GPI: variants seen among roughly 807,000 people sequenced by gnomAD.
GPI encodes the protein D-hexose-6-phosphate anomerase.
A neutral mutation model predicts 75.8 loss-of-function variants in GPI; 56 were observed. That is an observed-to-expected ratio of 0.74 (90% CI 0.60 to 0.92). The LOEUF (loss-of-function observed/expected upper bound fraction) is 0.92, where lower values mean the gene tolerates loss of function less well. Ranked by LOEUF, GPI falls within the 40% of genes least tolerant of loss-of-function variation. GPI has a pLI of 0.00. For synonymous variants in GPI, 288 were observed against 285.4 expected, an observed-to-expected ratio of 1.01 and a Z score of -0.09; for missense variants, 638 against 741.0, an observed-to-expected ratio of 0.86 and a Z score of 1.61.
intron 3 of GPI, among the ~76,000 whole-genome samples, chr19:34,367,630 C>T (rs778686255): frequency 1.3e-5 from 2 of 152,158 alleles, no homozygotes; most frequent in African/African-American, 2.4e-5. Context: ...CTTTTCCTGC[C>T]CACCTGGGGT....
At chr19:34,360,667 A>C (rs1421818531), upstream of GPI, among the ~76,000 whole-genome samples, 3 of 152,120 alleles carry the variant, frequency 2.0e-5, no homozygotes, top group East Asian at 5.8e-4. Flanking sequence ...CTTTCCCTCC[A>C]CCTTTTTCCT....
chr19:34,366,687 G>A, intron 2 of GPI, 96 bp from the exon 3 acceptor site: 1 of 870,228 alleles, frequency 1.1e-6, no homozygotes, highest in South Asian at 1.3e-5. Flanking sequence ...CCGTCTGTCT[G>A]TCTCATTGGG....
chr19:34,383,159 G>T (rs1335141622), intron 9 of GPI, among the ~76,000 whole-genome samples: 1 of 152,208 alleles, frequency 6.6e-6, no homozygotes, highest in Admixed American at 6.5e-5. Flanking sequence ...CAGGGGTGTG[G>T]TGGGAAACCA....
At chr19:34,399,487 G>A in intron 15 of GPI, 69 bp from the exon 16 acceptor site, 1 of 1,570,352 alleles carries the variant, frequency 6.4e-7, no homozygotes, top group South Asian at 1.1e-5. Flanking sequence ...TCTGGGGCAG[G>A]GTGTGCTTCC....
chr19:34,398,335 G>A (rs180695816), intron 14 of GPI: 12 of 152,320 alleles, frequency 7.9e-5, no homozygotes, highest in African/African-American at 1.9e-4. Flanking sequence ...ACAGGGTTAC[G>A]GTAGCACAAT....
chr19:34,373,333 G>A (rs2074483472), intron 4 of GPI, among the ~76,000 whole-genome samples: 1 of 151,118 alleles, frequency 6.6e-6, no homozygotes, highest in African/African-American at 2.4e-5. Context: ...AGGTTACTGA[G>A]AGCTGAGATG....
rs2074890613 is a variant in GPI, at chr19:34,393,174, G to A, written c.805-74G>A. The A allele has an allele frequency of 3.3e-6, 4 of 1,203,828 alleles. No individual in the cohort carries two copies. Among genetic ancestry groups the A allele is most frequent in the Non-Finnish European group, 5.0e-6 (4 of 806,802 alleles). The allele number at this position is 1,203,828 out of a possible 1,614,324, so 74.6% of individuals were successfully genotyped here. On this transcript the variant is annotated intron_variant, in intron 9 of 17. Transcript: ENST00000356487. This position sits in a 1 kb window ranked among gnomAD's most constrained non-coding sequence, Gnocchi z 4.4. ...CGAGACGCCCCTGTGCAAGACCAGGGACAGGGTTTCCGGCAGGAGGTGGGG... is the reference window on the plus strand; with the variant it reads ...CGAGACGCCCCTGTGCAAGACCAGGAACAGGGTTTCCGGCAGGAGGTGGGG...
chr19:34,386,145 A>T (rs2074731500), intron 9 of GPI, among the ~76,000 whole-genome samples: 1 of 151,852 alleles, frequency 6.6e-6, no homozygotes, highest in South Asian at 2.1e-4. Flanking sequence ...AGTCTGGGTC[A>T]CTAGGTGTGG....
rs1176248772 is a variant in GPI, at chr19:34,400,084, G to A, written c.*48G>A. 10 of 1,591,556 alleles carry A rather than the reference G, an allele frequency of 6.3e-6. No individual in the cohort carries two copies. Among genetic ancestry groups the A allele is most frequent in the East Asian group, 4.5e-5 (2 of 44,810 alleles). On this transcript the variant is annotated 3_prime_UTR_variant, in exon 18 of 18. Coordinates refer to ENST00000356487, the MANE Select transcript of GPI (RefSeq NM_000175.5). ...CTCTGTGACTCCCCTTTCTCTTCTCGTCCCTCCTCCCCGGAGCCGGCACTG... is the reference window on the plus strand; with the variant it reads ...CTCTGTGACTCCCCTTTCTCTTCTCATCCCTCCTCCCCGGAGCCGGCACTG...
intron 14 of GPI, chr19:34,397,446 A>T (rs1489525233): frequency 6.6e-6 from 1 of 152,324 alleles, no homozygotes; most frequent in Non-Finnish European, 1.5e-5. Context: ...CTTCTGTTGC[A>T]TCTCTCTGAC....
chr19:34,392,950 C>G, intron 9 of GPI: 1 of 461,988 alleles, frequency 2.2e-6, no homozygotes. Flanking sequence ...GAGGTGGGCC[C>G]TGGCACAGGT....
intron 4 of GPI, among the ~76,000 whole-genome samples, chr19:34,371,224 T>C (rs1367362635): frequency 6.6e-6 from 1 of 152,216 alleles, no homozygotes; most frequent in African/African-American, 2.4e-5. Context: ...AAAAAGTTGC[T>C]GAATGGCAGT....
chr19:34,374,856 G>C (rs959573957), intron 4 of GPI, among the ~76,000 whole-genome samples: 20 of 150,824 alleles, frequency 1.3e-4, no homozygotes, highest in African/African-American at 4.9e-4. Flanking sequence ...AACCTTCTAA[G>C]TTGCTGGGAC....
chr19:34,390,084 G>A (rs566064841), intron 9 of GPI, among the ~76,000 whole-genome samples: 369 of 152,194 alleles, frequency 2.4e-3, no homozygotes, highest in African/African-American at 8.5e-3. Context: ...GGTGGGGTGA[G>A]GCACAGGTCT....
rs2074948981 is a variant in GPI at position 34,396,593 on chromosome 19, T to C, written c.1205T>C (p.Ile402Thr). The C allele has an allele frequency of 6.2e-7, 1 of 1,614,004 alleles. No individual in the cohort carries two copies. Among genetic ancestry groups the C allele is most frequent in the African/African-American group, 1.3e-5 (1 of 74,942 alleles). Residue 402 changes from isoleucine (I) to threonine (T), a missense_variant, in exon 14 of 18, where the codon ATA becomes ACA. Transcript: ENST00000356487. ...GTGCCCTTCACAGGCACCAAGATGA[T>C]ACCCTGTGACTTCCTCATCCCGGTC... ...YQLIHQGTKM[I>T]PCDFLIPVQT...
chr19:34,374,487 C>T (rs959519866), intron 4 of GPI, among the ~76,000 whole-genome samples: 1 of 152,160 alleles, frequency 6.6e-6, no homozygotes, highest in Non-Finnish European at 1.5e-5. Context: ...TCACTTTCTC[C>T]TAAGTCCATA....
Position 34,399,274 on chromosome 19 carries a change from G to A in GPI, c.1337G>A (p.Arg446Gln), listed in dbSNP as rs150033276. ...AGGGGAAAATCGACGGAGGAGGCCC[G>A]AAAGGAGCTCCAGGCTGCGGGCAAG... ...LMRGKSTEEA[R>Q]KELQAAGKSP... Residue 446 changes from arginine (R) to glutamine (Q), a missense_variant, in exon 15 of 18, where the codon CGA becomes CAA. Coordinates refer to ENST00000356487, the MANE Select transcript of GPI (RefSeq NM_000175.5). 3.9e-5 allele frequency: 63 copies of A among 1,614,034 alleles called. No homozygotes were observed. Among genetic ancestry groups the A allele is most frequent in the Middle Eastern group, 1.7e-4 (1 of 6,004 alleles).
intron 9 of GPI, 191 bp downstream of exon 9, chr19:34,381,710 A>C: frequency 1.5e-6 from 1 of 652,154 alleles, no homozygotes; most frequent in South Asian, 1.7e-5. Context: ...CTCCACTTCC[A>C]CCTGAGGGCG....
chr19:34,372,205 A>G (rs1005516769), intron 4 of GPI, among the ~76,000 whole-genome samples: 1 of 152,166 alleles, frequency 6.6e-6, no homozygotes, highest in East Asian at 1.9e-4. Context: ...TCCTGGGATT[A>G]CAGGCATGAG....
Sources: gnomAD v4.1 joint callset for allele counts (sites outside exome capture counted in the v4.1 genomes callset) on GRCh38, gnomAD v4.1.1 for gene constraint, Gnocchi (gnomAD v3.1) non-coding constraint, MANE v1.5 for transcripts, NCBI Gene and HGNC (gene_info 2026-07-23, HGNC 2026-07-21) for gene names.